The following USP47 variants were observed in gnomAD, a reference collection of about 807,000 sequenced individuals.
The protein encoded by USP47 is ubiquitin carboxyl-terminal hydrolase 47.
In USP47, 35 loss-of-function variants were observed where a neutral mutation model predicts 165.1. That is an observed-to-expected ratio of 0.21 (90% CI 0.16 to 0.28). The LOEUF (loss-of-function observed/expected upper bound fraction) is 0.28, where lower values mean the gene tolerates loss of function less well. Among genes scored for constraint, USP47 ranks in the 10% least tolerant of loss-of-function variants. The probability of loss-of-function intolerance (pLI) is 1.00; values close to 1 mark genes in which losing one functional copy is unlikely to be tolerated. For missense variants in USP47, 1,277 were observed against 1,607.4 expected, an observed-to-expected ratio of 0.79 and a Z score of 3.52; for synonymous variants, 531 against 544.5, an observed-to-expected ratio of 0.98 and a Z score of 0.35.
intron 17 of USP47, among the ~76,000 whole-genome samples, chr11:11,937,781 A>T (rs964858443): frequency 6.6e-6 from 1 of 151,992 alleles, no homozygotes; most frequent in African/African-American, 2.4e-5. Flanking sequence ...GAGGATTGAC[A>T]TAAAACATGA....
chr11:11,916,742 A>G (rs1221017333), intron 8 of USP47, among the ~76,000 whole-genome samples: 1 of 152,200 alleles, frequency 6.6e-6, no homozygotes, highest in Non-Finnish European at 1.5e-5. Flanking sequence ...GTGGACCAGA[A>G]CTAATAGATA....
chr11:11,951,186 T>C (rs1478011834), intron 24 of USP47: 2 of 152,398 alleles, frequency 1.3e-5, no homozygotes, highest in Non-Finnish European at 2.9e-5. Context: ...TTCATCTTCA[T>C]GTGGTGTTCT....
intron 1 of USP47, among the ~76,000 whole-genome samples, chr11:11,850,205 A>G (rs180784283): frequency 3.4e-5 from 5 of 146,618 alleles, no homozygotes; most frequent in African/African-American, 1.3e-4. Context: ...CCTTCATTTT[A>G]TCTCTCCTCT....
At chr11:11,866,814 T>C (rs561952706) in intron 1 of USP47, among the ~76,000 whole-genome samples, 257 of 152,312 alleles carry the variant, frequency 1.7e-3, no homozygotes, top group African/African-American at 5.8e-3. Flanking sequence ...CTTTTTCCTA[T>C]TGACAAATTA....
At chr11:11,950,205 T>C (rs1338026987) in intron 23 of USP47, among the ~76,000 whole-genome samples, 159 bp from the exon 24 acceptor site, 2 of 152,184 alleles carry the variant, frequency 1.3e-5, no homozygotes, top group African/African-American at 4.8e-5. Context: ...TAAATTTGAA[T>C]TACTGGAAAC....
chr11:11,904,417 T>A (rs1164628095), intron 7 of USP47, among the ~76,000 whole-genome samples: 3 of 152,342 alleles, frequency 2.0e-5, no homozygotes, highest in African/African-American at 7.2e-5. Flanking sequence ...GTAGTACACT[T>A]ATCCTCATGC....
rs1394236484 is a variant in USP47, at chr11:11,956,217, A to T, written c.*42A>T. ...TTTTCCCTGGGGGAGTTTTGGTTTTAATTAGATGGTTCACTACCACTGGGT... is the reference window on the plus strand; with the variant it reads ...TTTTCCCTGGGGGAGTTTTGGTTTTTATTAGATGGTTCACTACCACTGGGT... On this transcript the variant is annotated 3_prime_UTR_variant, in exon 28 of 28. Coordinates refer to ENST00000527733, the MANE Select transcript of USP47 (RefSeq NM_001282659.2). 1 of 1,608,202 alleles carries T rather than the reference A, an allele frequency of 6.2e-7. No homozygotes were observed. The highest frequency in any genetic ancestry group is 1.3e-5 in the African/African-American group (1 of 74,760).
chr11:11,857,262 T>G (rs923181294), intron 1 of USP47, among the ~76,000 whole-genome samples: 1 of 152,086 alleles, frequency 6.6e-6, no homozygotes, highest in African/African-American at 2.4e-5. Flanking sequence ...TTTTATGTGT[T>G]TAGGTATTTT....
At chr11:11,876,358 C>T (rs938520782) in intron 1 of USP47, among the ~76,000 whole-genome samples, 4 of 152,130 alleles carry the variant, frequency 2.6e-5, no homozygotes, top group African/African-American at 9.7e-5. Context: ...AAAAGTAGTA[C>T]CTTTCCCTCC....
In USP47 at chr11:11,961,511, A is replaced by T. The variant is rs1420744724; in HGVS notation, c.*5336A>T. 6.6e-6 allele frequency among the ~76,000 whole-genome samples: 1 copy of T among 152,134 alleles called. No homozygotes were observed. Among genetic ancestry groups the T allele is most frequent in the Non-Finnish European group, 1.5e-5 (1 of 68,026 alleles). ...ATGCCAGTGACCTATAGAGGCTAAA[A>T]AACAGCAAGGAAATGGACTCTCCCC... On this transcript the variant is annotated 3_prime_UTR_variant, in exon 28 of 28. Transcript: ENST00000527733.
Position 11,897,619 on chromosome 11 carries a change from AGCAATGACTTGCTATTT to A in USP47, c.521_537del (p.Ala174GlufsTer2). 6.2e-7 allele frequency: 1 copy of A among 1,611,154 alleles called. No homozygotes were observed. Among genetic ancestry groups the A allele is most frequent in the Non-Finnish European group, 8.5e-7 (1 of 1,178,422 alleles). On this transcript the variant is annotated frameshift_variant, in exon 5 of 28. Coordinates refer to ENST00000527733, the MANE Select transcript of USP47 (RefSeq NM_001282659.2). LOFTEE classifies it high-confidence loss of function. Reference sequence around the variant, plus strand: ...AAGGATATGTGGGACTAGTAAACCAAGCAATGACTTGCTATTTGAATAGCCTTTTGCAAACACTTTTT... The same window carrying A: ...AAGGATATGTGGGACTAGTAAACCAAGAATAGCCTTTTGCAAACACTTTTT...
At chr11:11,902,140 A>G (rs1223903923) in intron 5 of USP47, among the ~76,000 whole-genome samples, 1 of 152,078 alleles carries the variant, frequency 6.6e-6, no homozygotes, top group Non-Finnish European at 1.5e-5. Context: ...CAGGGCTACG[A>G]TTTCCCTGAT....
chr11:11,862,743 G>A lies in USP47; in HGVS notation c.40-17434G>A, dbSNP rs184449442. ...CATAATTTTTTTTTTCTTTATTAGA[G>A]ATAGGGTCTCGCCATGTTGCCCAGG... On this transcript the variant is annotated intron_variant, in intron 1 of 27. Transcript: ENST00000527733. Among the ~76,000 whole-genome samples, 1,075 of 151,940 alleles carry A rather than the reference G, an allele frequency of 7.1e-3. 7 individuals carry two copies. Among genetic ancestry groups the A allele is most frequent in the Non-Finnish European group, 8.5e-3 (575 of 67,982 alleles).
intron 11 of USP47, 42 bp downstream of exon 11, chr11:11,922,933 A>G (rs766456636): frequency 1.9e-6 from 3 of 1,564,326 alleles, no homozygotes; most frequent in Admixed American, 3.5e-5. Flanking sequence ...AAGTGAGAAT[A>G]ATCTCTGACT....
intron 8 of USP47, among the ~76,000 whole-genome samples, chr11:11,915,966 T>G (rs1853384779): frequency 6.6e-6 from 1 of 152,198 alleles, no homozygotes; most frequent in Non-Finnish European, 1.5e-5. Flanking sequence ...ATAATTCATA[T>G]GTACACATAA....
In USP47 at chr11:11,851,554, T is replaced by G. The variant is rs111553619; in HGVS notation, c.39+9330T>G. 5.0e-3 allele frequency among the ~76,000 whole-genome samples: 758 copies of G among 152,318 alleles called. 5 individuals carry two copies. Among genetic ancestry groups the G allele is most frequent in the African/African-American group, 0.018 (737 of 41,578 alleles). On this transcript the variant is annotated intron_variant, in intron 1 of 27. Coordinates refer to ENST00000527733, the MANE Select transcript of USP47 (RefSeq NM_001282659.2). ...CCCTTCATCCAGCTTCTTTTTATCT[T>G]AACATCTTATATAACCATAGAACGA...
Position 11,950,387 on chromosome 11 carries a change from G to T in USP47, c.3488G>T (p.Trp1163Leu). The change falls in exon 24 of 28, where the codon TGG becomes TTG. Residue 1163 changes from tryptophan to leucine, a missense_variant. Transcript: ENST00000527733. ...IDRFRLRKKT[W>L]KNPGTVFLDY... ...AGGTTTCGTCTAAGGAAAAAAACATGGAAGAATCCTGGCACTGTCTTTTTG... is the reference window on the plus strand; with the variant it reads ...AGGTTTCGTCTAAGGAAAAAAACATTGAAGAATCCTGGCACTGTCTTTTTG... The T allele has an allele frequency of 6.3e-7, 1 of 1,599,692 alleles. No homozygotes were observed. Among genetic ancestry groups the T allele is most frequent in the Non-Finnish European group, 8.5e-7 (1 of 1,175,186 alleles).
At chr11:11,885,459 G>A (rs1397004485) in intron 3 of USP47, among the ~76,000 whole-genome samples, 1 of 152,104 alleles carries the variant, frequency 6.6e-6, no homozygotes, top group Non-Finnish European at 1.5e-5. Flanking sequence ...CCAGCCAAGG[G>A]AAGCTGTGAA....
At chr11:11,860,143 TTTTA>T (rs939773788) in intron 1 of USP47, among the ~76,000 whole-genome samples, 2 of 149,280 alleles carry the variant, frequency 1.3e-5, no homozygotes, top group South Asian at 2.1e-4. Flanking sequence ...TCTTTTCTTA[TTTTA>T]TTTATTTATT....
Sources: gnomAD v4.1 joint callset for allele counts (sites outside exome capture counted in the v4.1 genomes callset) on GRCh38, gnomAD v4.1.1 for gene constraint, MANE v1.5 for transcripts, NCBI Gene and HGNC (gene_info 2026-07-23, HGNC 2026-07-21) for gene names.